The following LINGO2 variants were observed in gnomAD, a reference collection of about 807,000 sequenced individuals.
LINGO2 encodes the protein leucine-rich repeat and immunoglobulin-like domain-containing nogo receptor-interacting protein 2.
Under a neutral mutation model 30.6 loss-of-function variants are expected in LINGO2, and 14 were observed. The ratio of observed to expected loss-of-function variants is 0.46; its 90% confidence interval spans 0.30 to 0.72. The LOEUF (loss-of-function observed/expected upper bound fraction) is 0.72. Among genes scored for constraint, LINGO2 ranks in the 30% least tolerant of loss-of-function variants. LINGO2 has a pLI of 0.07. For synonymous variants in LINGO2, 317 were observed against 288.5 expected, an observed-to-expected ratio of 1.10 and a Z score of -1.00; for missense variants, 729 against 751.7, an observed-to-expected ratio of 0.97 and a Z score of 0.35.
the LINGO2 span, among the ~76,000 whole-genome samples, chr9:28,795,710 G>T: frequency 1.3e-5 from 2 of 151,816 alleles, no homozygotes; most frequent in Admixed American, 6.6e-5. Context: ...CTGAGTAATC[G>T]GTGGCCCTCT....
intron 4 of LINGO2, among the ~76,000 whole-genome samples, chr9:28,012,640 T>C (rs1314425260): frequency 3.3e-5 from 5 of 152,018 alleles, no homozygotes; most frequent in Admixed American, 6.6e-5. Context: ...AACCCCTCCA[T>C]ACCGCCTGGC....
the LINGO2 span, among the ~76,000 whole-genome samples, chr9:28,770,463 T>G: frequency 6.6e-6 from 1 of 152,294 alleles, no homozygotes; most frequent in African/African-American, 2.4e-5. Context: ...CTGTAAATGT[T>G]GTCTGTAGAT....
At chr9:28,610,964 C>T (rs1307975615) in intron 1 of LINGO2, among the ~76,000 whole-genome samples, 1 of 152,176 alleles carries the variant, frequency 6.6e-6, no homozygotes, top group South Asian at 2.1e-4. Context: ...ATGCCATTAT[C>T]CTTAATTACC....
the LINGO2 span, among the ~76,000 whole-genome samples, chr9:29,139,825 A>G: frequency 0.011 from 1,711 of 152,190 alleles, 30 homozygotes; most frequent in African/African-American, 0.039. Context: ...GGGCTGCCCA[A>G]GGAAATAGTT....
chr9:29,060,128 A>C, the LINGO2 span, among the ~76,000 whole-genome samples: 3 of 152,162 alleles, frequency 2.0e-5, no homozygotes, highest in Non-Finnish European at 4.4e-5. Flanking sequence ...CTTTTTTCTA[A>C]AGACTGTTCA....
chr9:29,015,505 CA>C, the LINGO2 span, among the ~76,000 whole-genome samples: 1 of 151,862 alleles, frequency 6.6e-6, no homozygotes, highest in Non-Finnish European at 1.5e-5. Context: ...CAACTATAGA[CA>C]ATATATAAAA....
intron 1 of LINGO2, among the ~76,000 whole-genome samples, chr9:28,544,182 G>A (rs769588677): frequency 6.6e-6 from 1 of 151,534 alleles, no homozygotes; most frequent in African/African-American, 2.4e-5. Context: ...CAGTCTGGGC[G>A]ACAGGAATAA....
intron 3 of LINGO2, among the ~76,000 whole-genome samples, chr9:28,315,531 C>T (rs912688870): frequency 3.9e-5 from 6 of 152,252 alleles, no homozygotes; most frequent in African/African-American, 1.4e-4. Context: ...AGCTGACCAG[C>T]TGTTTTTACT....
At position 28,344,146 on chromosome 9, in the gene LINGO2, CA is replaced by C. The variant is rs1012155833; in HGVS notation, c.-246+28689del. Among the ~76,000 whole-genome samples, 5 of 151,280 alleles carry C rather than the reference CA, an allele frequency of 3.3e-5. No homozygotes were observed. The South Asian group carries it at 6.3e-4, about 19-fold the overall frequency. On this transcript the variant is annotated intron_variant, in intron 3 of 5. Coordinates refer to ENST00000379992, the Ensembl canonical transcript of LINGO2. ...AAATAAATTTTAACATTATTGGTAA[CA>C]AAAAAAATGACAGAAGAGTGACCCT...
chr9:29,074,994 C>G, the LINGO2 span, among the ~76,000 whole-genome samples: 1 of 151,946 alleles, frequency 6.6e-6, no homozygotes, highest in East Asian at 1.9e-4. Context: ...AAATTACTTT[C>G]AAACTTCATT....
the LINGO2 span, among the ~76,000 whole-genome samples, chr9:28,845,690 C>T: frequency 6.6e-6 from 1 of 151,122 alleles, no homozygotes; most frequent in Non-Finnish European, 1.5e-5. Flanking sequence ...CAAGAGTATT[C>T]AATATTTATA....
In LINGO2 at chr9:28,129,827, G is replaced by GA. The variant is rs751099459; in HGVS notation, c.-86-117423dup. ...TTGTTTATTTTTGGTTTAAGAAGGTGAAAACATTCATAGCAGAACACTTGG... is the reference window on the plus strand; with the variant it reads ...TTGTTTATTTTTGGTTTAAGAAGGTGAAAAACATTCATAGCAGAACACTTGG... On this transcript the variant is annotated intron_variant, in intron 4 of 5. Transcript: ENST00000379992. The surrounding 1 kb of genome is among the most constrained non-coding windows in gnomAD (Gnocchi z 4.0). 2.8e-4 allele frequency among the ~76,000 whole-genome samples: 43 copies of GA among 152,262 alleles called. No homozygotes were observed. Among genetic ancestry groups the GA allele is most frequent in the Non-Finnish European group, 4.7e-4 (32 of 68,022 alleles).
At chr9:28,550,221 G>A (rs73441455) in intron 1 of LINGO2, among the ~76,000 whole-genome samples, 9,082 of 151,796 alleles carry the variant, frequency 0.06, 517 homozygotes, top group African/African-American at 0.14. Context: ...TTCTTCTTCT[G>A]TAATTCTTAT....
chr9:28,268,278 A>T (rs2134076340), intron 4 of LINGO2, among the ~76,000 whole-genome samples: 1 of 152,190 alleles, frequency 6.6e-6, no homozygotes, highest in South Asian at 2.1e-4. Context: ...CTTTGGCTAA[A>T]GATAGATGCA....
chr9:28,237,798 G>C (rs1390876693), intron 4 of LINGO2, among the ~76,000 whole-genome samples: 2 of 152,118 alleles, frequency 1.3e-5, no homozygotes, highest in Non-Finnish European at 2.9e-5. Flanking sequence ...AGGTTGCAGT[G>C]AGCCAAGATT....
rs545677806 is a variant in LINGO2, at chr9:28,246,281, G to A, written c.-87+48927C>T. 1.4e-4 allele frequency among the ~76,000 whole-genome samples: 21 copies of A among 151,992 alleles called. No individual in the cohort carries two copies. In the South Asian group the frequency reaches 3.1e-3, roughly 23 times the overall value. Reference sequence around the variant, plus strand: ...TCTACTAAAAATACCAAAATTAGCCGGGCATGGTGGTGTGTACCTGTAGTC... The same window carrying A: ...TCTACTAAAAATACCAAAATTAGCCAGGCATGGTGGTGTGTACCTGTAGTC... On this transcript the variant is annotated intron_variant, in intron 4 of 5. Coordinates refer to ENST00000379992, the Ensembl canonical transcript of LINGO2.
At chr9:28,266,773 G>A (rs1317797297) in intron 4 of LINGO2, among the ~76,000 whole-genome samples, 1 of 152,002 alleles carries the variant, frequency 6.6e-6, no homozygotes, top group Non-Finnish European at 1.5e-5. Flanking sequence ...AAGAATGTTT[G>A]TTACTGCTGG....
At position 28,272,022 on chromosome 9, in the gene LINGO2, A is replaced by C. The variant is rs547776039; in HGVS notation, c.-87+23186T>G. On this transcript the variant is annotated intron_variant, in intron 4 of 5. Coordinates refer to ENST00000379992, the Ensembl canonical transcript of LINGO2. ...TTGCCAAGCAGCAAGGGCTGATGCC[A>C]GCTTAAAACAATTCCAGTCAACTAA... 9.8e-5 allele frequency among the ~76,000 whole-genome samples: 15 copies of C among 152,326 alleles called. No individual in the cohort carries two copies. In the East Asian group the frequency reaches 2.9e-3, roughly 29 times the overall value.
At chr9:29,028,450 C>G in the LINGO2 span, among the ~76,000 whole-genome samples, 3 of 148,070 alleles carry the variant, frequency 2.0e-5, no homozygotes, top group African/African-American at 7.6e-5. Flanking sequence ...GAGAGAGACA[C>G]AGAGAGAGAC....
Sources: allele counts gnomAD v4.1 joint callset (sites outside exome capture counted in the v4.1 genomes callset), GRCh38; gene constraint gnomAD v4.1.1; non-coding constraint Gnocchi (gnomAD v3.1); transcripts MANE v1.5; gene names NCBI Gene and HGNC (gene_info 2026-07-23, HGNC 2026-07-21).